The following RALGPS2 variants were observed in gnomAD, a reference collection of about 807,000 sequenced individuals.
RALGPS2 encodes Ral GEF with PH domain and SH3 binding motif 2.
In RALGPS2, 43 loss-of-function variants were observed where a neutral mutation model predicts 86.8. That is an observed-to-expected ratio of 0.50 (90% CI 0.39 to 0.64). RALGPS2 has a LOEUF of 0.64. Among genes scored for constraint, RALGPS2 ranks in the 30% least tolerant of loss-of-function variants. The probability of loss-of-function intolerance (pLI) is 0.00; values close to 1 mark genes in which losing one functional copy is unlikely to be tolerated. For synonymous variants in RALGPS2, 243 were observed against 231.3 expected (o/e 1.05, Z -0.46); for missense variants, 536 against 694.6 (o/e 0.77, Z 2.57).
intron 13 of RALGPS2, among the ~76,000 whole-genome samples, chr1:178,889,404 G>A (rs1659626453): frequency 6.6e-6 from 1 of 151,942 alleles, no homozygotes; most frequent in Admixed American, 6.6e-5. Flanking sequence ...AAATAGGCAA[G>A]CAAAAATGTT....
intron 2 of RALGPS2, among the ~76,000 whole-genome samples, chr1:178,779,449 C>T (rs1198005911): frequency 2.0e-5 from 3 of 152,126 alleles, no homozygotes; most frequent in Non-Finnish European, 2.9e-5. Flanking sequence ...CATTTTGCCC[C>T]AGCTAGTTAC....
chr1:178,819,151 T>G (rs967933205), intron 6 of RALGPS2, among the ~76,000 whole-genome samples: 2 of 151,630 alleles, frequency 1.3e-5, no homozygotes, highest in Admixed American at 1.3e-4. Context: ...ACCACGCACC[T>G]GGTTAATTTC....
chr1:178,896,745 AATG>A (rs1188162604), intron 16 of RALGPS2, among the ~76,000 whole-genome samples: 4 of 147,114 alleles, frequency 2.7e-5, no homozygotes, highest in African/African-American at 5.1e-5. Context: ...GTTTACTGAG[AATG>A]ATGATTTCCA....
intron 19 of RALGPS2, among the ~76,000 whole-genome samples, chr1:178,907,297 T>G (rs1660427909): frequency 6.6e-6 from 1 of 152,000 alleles, no homozygotes; most frequent in African/African-American, 2.4e-5. Flanking sequence ...TTAAGGTGAG[T>G]TCAAAGCACA....
intron 1 of RALGPS2, among the ~76,000 whole-genome samples, chr1:178,756,924 G>A (rs530068098): frequency 6.6e-6 from 1 of 152,250 alleles, no homozygotes; most frequent in African/African-American, 2.4e-5. Flanking sequence ...CAAACCAGCA[G>A]CATGGAATGC....
intron 8 of RALGPS2, chr1:178,865,928 G>T: frequency 1.8e-6 from 1 of 550,084 alleles, no homozygotes; most frequent in Non-Finnish European, 3.1e-6. Flanking sequence ...AATAGATTAG[G>T]CTAGAATTAA....
chr1:178,780,778 C>T (rs368384331), intron 2 of RALGPS2, among the ~76,000 whole-genome samples: 1 of 152,110 alleles, frequency 6.6e-6, no homozygotes. Context: ...AAAGTTTTGT[C>T]TTTCAAACAT....
intron 10 of RALGPS2, among the ~76,000 whole-genome samples, chr1:178,881,406 G>C (rs1659239727): frequency 6.6e-6 from 1 of 152,086 alleles, no homozygotes; most frequent in Admixed American, 6.5e-5. Context: ...CGAACGATGA[G>C]TCATTTGGTG....
intron 8 of RALGPS2, among the ~76,000 whole-genome samples, chr1:178,866,864 C>G (rs961720184): frequency 2.0e-5 from 3 of 152,134 alleles, no homozygotes; most frequent in Admixed American, 2.0e-4. Flanking sequence ...AGTACAAATT[C>G]TTCTGAGGAA....
intron 2 of RALGPS2, among the ~76,000 whole-genome samples, chr1:178,783,499 G>A (rs1350652467): frequency 1.3e-5 from 2 of 152,174 alleles, no homozygotes; most frequent in Non-Finnish European, 1.5e-5. Context: ...CCCTTTCTTT[G>A]TAATGATCGT....
Position 178,877,602 on chromosome 1 carries a change from A to C in RALGPS2, c.712A>C (p.Ile238Leu). ...RSNLMNNILRIISDLQQSCEY... is the reference protein window; with the variant it reads ...RSNLMNNILRLISDLQQSCEY... Reference sequence around the variant, plus strand: ...AAATTTAATGAATAATATCCTTCGAATAATTTCTGATTTACAGCAGTCTTG... The same window carrying C: ...AAATTTAATGAATAATATCCTTCGACTAATTTCTGATTTACAGCAGTCTTG... Residue 238 changes from isoleucine (I) to leucine (L), a missense_variant, in exon 9 of 20, where the codon ATA becomes CTA. Physicochemically the swap from Ile to Leu is conservative, Grantham distance 5. Around this residue, in one of 3 missense-constraint regions of RALGPS2, gnomAD observed 184 missense variants for 296.7 expected, o/e 0.62. Transcript: ENST00000367635. 6.2e-7 allele frequency: 1 copy of C among 1,613,388 alleles called. No individual in the cohort carries two copies. The highest frequency in any genetic ancestry group is 8.5e-7 in the Non-Finnish European group (1 of 1,179,528).
intron 18 of RALGPS2, among the ~76,000 whole-genome samples, chr1:178,904,815 G>T (rs1173020603): frequency 1.3e-5 from 2 of 152,134 alleles, no homozygotes; most frequent in Admixed American, 6.5e-5. Context: ...ACTTAGTCTT[G>T]CTTCGGCTGT....
chr1:178,888,175 G>T (rs532632112), intron 13 of RALGPS2, among the ~76,000 whole-genome samples: 10 of 152,236 alleles, frequency 6.6e-5, no homozygotes, highest in African/African-American at 2.4e-4. Flanking sequence ...CTAAGGCTAA[G>T]TAAGTAAACA....
At chr1:178,848,564 C>T (rs1006938197) in intron 8 of RALGPS2, among the ~76,000 whole-genome samples, 22 of 152,178 alleles carry the variant, frequency 1.4e-4, no homozygotes, top group Admixed American at 3.9e-4. Flanking sequence ...GGTCCAGCCA[C>T]TTAACTGCCT....
chr1:178,879,788 TAAAA>T (rs66682956), intron 10 of RALGPS2: 5 of 104,072 alleles, frequency 4.8e-5, no homozygotes, highest in Admixed American at 2.2e-4. Flanking sequence ...AAACTCCGTC[TAAAA>T]AAAAAAAAAA....
intron 1 of RALGPS2, among the ~76,000 whole-genome samples, chr1:178,756,940 C>T (rs1261631447): frequency 3.3e-5 from 5 of 152,094 alleles, no homozygotes; most frequent in Non-Finnish European, 5.9e-5. Context: ...AATGCTTACC[C>T]ATTTGTTTGC....
chr1:178,743,240 G>A (rs1301533194), intron 1 of RALGPS2, among the ~76,000 whole-genome samples: 1 of 152,050 alleles, frequency 6.6e-6, no homozygotes, highest in African/African-American at 2.4e-5. Context: ...GAATTTGTGG[G>A]ATACTATTGA....
intron 19 of RALGPS2, among the ~76,000 whole-genome samples, chr1:178,907,751 A>G (rs987229329): frequency 2.6e-5 from 4 of 152,244 alleles, no homozygotes; most frequent in African/African-American, 9.6e-5. Context: ...AATATTGAAT[A>G]TGATGCACTA....
At chr1:178,885,558 A>G (rs1365390465) in intron 12 of RALGPS2, 2 of 195,920 alleles carry the variant, frequency 1.0e-5, no homozygotes, top group African/African-American at 4.6e-5. Flanking sequence ...ATAAGTCAAA[A>G]ATAACAGCTA....
Sources: allele counts gnomAD v4.1 joint callset (sites outside exome capture counted in the v4.1 genomes callset), GRCh38; gene constraint gnomAD v4.1.1; regional missense constraint gnomAD v4.1.1; transcripts MANE v1.5; gene names NCBI Gene and HGNC (gene_info 2026-07-23, HGNC 2026-07-21).